CNTN5: variants seen among roughly 807,000 people sequenced by gnomAD.
The protein encoded by CNTN5 is contactin-5.
In CNTN5, 77 loss-of-function variants were observed where a neutral mutation model predicts 129.1. The ratio of observed to expected loss-of-function variants is 0.60; its 90% CI spans 0.50 to 0.72. The LOEUF is 0.72. Among genes scored for constraint, CNTN5 ranks in the 30% least tolerant of loss-of-function variants. The probability of loss-of-function intolerance (pLI) is 0.00; values close to 1 mark genes in which losing one functional copy is unlikely to be tolerated. For synonymous variants in CNTN5, 509 were observed against 465.6 expected (o/e 1.09, Z -1.20); for missense variants, 1,478 against 1,328.8 (o/e 1.11, Z -1.75).
chr11:99,192,710 A>T (rs1591338166), intron 1 of CNTN5, among the ~76,000 whole-genome samples: 1 of 152,108 alleles, frequency 6.6e-6, no homozygotes, highest in Non-Finnish European at 1.5e-5. Context: ...AAACATGCTT[A>T]TTTAAATCTA....
chr11:99,651,965 A>G (rs576795877), intron 3 of CNTN5, among the ~76,000 whole-genome samples: 15 of 152,194 alleles, frequency 9.9e-5, no homozygotes, highest in African/African-American at 3.6e-4. Flanking sequence ...ACTGCTGCAT[A>G]ACACGTTGCC....
intron 2 of CNTN5, among the ~76,000 whole-genome samples, chr11:99,369,714 C>T (rs1186793622): frequency 2.0e-5 from 3 of 151,956 alleles, no homozygotes; most frequent in Admixed American, 1.3e-4. Context: ...TATTATTTTT[C>T]CATTATCCAA....
chr11:99,392,531 C>G (rs554760092), intron 2 of CNTN5, among the ~76,000 whole-genome samples: 5 of 152,010 alleles, frequency 3.3e-5, no homozygotes, highest in African/African-American at 1.2e-4. Context: ...ACTTTCACTA[C>G]CATCTGCATT....
chr11:100,004,691 C>T lies in CNTN5; in HGVS notation c.980+2555C>T, dbSNP rs77889696. On this transcript the variant is annotated intron_variant, in intron 9 of 24. Coordinates refer to ENST00000524871, the MANE Select transcript of CNTN5 (RefSeq NM_014361.4). ...CAAGACATGTATAAACTCCTGATAG[C>T]AATGACTCATTGTCATGTGTAATCC... is the stretch of plus-strand genomic sequence containing the variant. Among the ~76,000 whole-genome samples the T allele has an allele frequency of 1.1e-3, 172 of 152,196 alleles. 4 individuals are homozygous for T. In the East Asian group the frequency reaches 0.031, roughly 28 times the overall value.
At chr11:99,520,362 C>T (rs1400927182) in intron 2 of CNTN5, among the ~76,000 whole-genome samples, 14 of 151,966 alleles carry the variant, frequency 9.2e-5, no homozygotes. Flanking sequence ...TCTTTGTACT[C>T]CCCCAATCCT....
rs754827602 is a variant in CNTN5, at chr11:100,271,148, T to C, written c.2221T>C (p.Trp741Arg). The C allele has an allele frequency of 6.2e-7, 1 of 1,613,200 alleles. No individual in the cohort carries two copies. The highest frequency in any genetic ancestry group is 1.7e-5 in the Admixed American group (1 of 59,780). The change falls in exon 18 of 25, where the codon TGG (tryptophan) becomes CGG (arginine). Residue 741 changes from tryptophan (W) to arginine (R), a missense_variant. Transcript: ENST00000524871. ...ESAMAVDLNP[W>R]VEYEFRVVAT... Reference sequence around the variant, plus strand: ...AGCCATGGCTGTGGACCTAAATCCCTGGGTGGAATATGAATTTCGAGTGGT... The same window carrying C: ...AGCCATGGCTGTGGACCTAAATCCCCGGGTGGAATATGAATTTCGAGTGGT...
At chr11:100,058,918 C>CCCAA (rs1943352040) in intron 9 of CNTN5, among the ~76,000 whole-genome samples, 1 of 152,066 alleles carries the variant, frequency 6.6e-6, no homozygotes, top group African/African-American at 2.4e-5. Context: ...GGACAGGTCT[C>CCCAA]AGAGGATGAG....
intron 1 of CNTN5, among the ~76,000 whole-genome samples, chr11:99,290,581 T>C (rs1864129025): frequency 6.6e-6 from 1 of 151,860 alleles, no homozygotes; most frequent in African/African-American, 2.4e-5. Context: ...TTGTTAGAGC[T>C]GAAGATCAGG....
chr11:99,057,031 A>T (rs1310294297), intron 1 of CNTN5, among the ~76,000 whole-genome samples: 1 of 152,052 alleles, frequency 6.6e-6, no homozygotes, highest in East Asian at 1.9e-4. Flanking sequence ...CTGTAGGCCA[A>T]ATTCCAGCTT....
In CNTN5 at chr11:99,819,486, GA is replaced by G; in HGVS notation, c.56-51del. 2.7e-6 allele frequency: 4 copies of G among 1,459,756 alleles called. No homozygotes were observed. In the Admixed American group the frequency reaches 5.5e-5, roughly 20 times the overall value. The allele number at this position is 1,459,756 out of a possible 1,614,324, so 90.4% of individuals were successfully genotyped here. ...GTCTTCAAAGAAACAATCTTCATAA[GA>G]AAAAAATAAACTAGTTTCCTCAAAA... On this transcript the variant is annotated intron_variant, in intron 3 of 24. Transcript: ENST00000524871.
At chr11:100,115,625 C>T (rs1020946528) in intron 13 of CNTN5, among the ~76,000 whole-genome samples, 5 of 151,800 alleles carry the variant, frequency 3.3e-5, no homozygotes, top group Admixed American at 3.3e-4. Context: ...CCAGAAGTGC[C>T]CCAAACCTGT....
chr11:100,149,374 CTG>C (rs1946969018), intron 13 of CNTN5, among the ~76,000 whole-genome samples: 1 of 152,080 alleles, frequency 6.6e-6, no homozygotes, highest in Non-Finnish European at 1.5e-5. Flanking sequence ...GAATCAATAT[CTG>C]TCTTCAAAAC....
intron 9 of CNTN5, among the ~76,000 whole-genome samples, chr11:100,030,450 C>G (rs1201598691): frequency 1.3e-5 from 2 of 152,112 alleles, no homozygotes; most frequent in South Asian, 4.1e-4. Context: ...AGCCATGTCC[C>G]CTAATTAGAA....
At chr11:99,282,931 G>A (rs548943119) in intron 1 of CNTN5, among the ~76,000 whole-genome samples, 1 of 152,066 alleles carries the variant, frequency 6.6e-6, no homozygotes, top group East Asian at 1.9e-4. Context: ...CCAATCAAAT[G>A]GAAGAAAGGC....
chr11:99,102,127 C>A (rs1300767754), intron 1 of CNTN5, among the ~76,000 whole-genome samples: 1 of 152,164 alleles, frequency 6.6e-6, no homozygotes, highest in African/African-American at 2.4e-5. Context: ...TGAGCTGTAT[C>A]TTGGCCCCTT....
intron 2 of CNTN5, among the ~76,000 whole-genome samples, chr11:99,378,720 A>G (rs567340891): frequency 3.3e-5 from 5 of 152,200 alleles, no homozygotes; most frequent in African/African-American, 1.2e-4. Context: ...CTATATGCAT[A>G]TGTAGAAAAT....
intron 6 of CNTN5, among the ~76,000 whole-genome samples, chr11:99,894,381 A>T (rs1374744208): frequency 1.3e-5 from 2 of 151,906 alleles, no homozygotes; most frequent in Admixed American, 1.3e-4. Flanking sequence ...GATAACCAAA[A>T]CCTAAATAAA....
chr11:99,661,173 A>G (rs990020669), intron 3 of CNTN5, among the ~76,000 whole-genome samples: 3 of 152,180 alleles, frequency 2.0e-5, no homozygotes, highest in African/African-American at 7.2e-5. Context: ...CAGAAAGGTC[A>G]AGCACACAAA....
intron 21 of CNTN5, among the ~76,000 whole-genome samples, chr11:100,324,011 T>C (rs1591514703): frequency 6.6e-6 from 1 of 152,168 alleles, no homozygotes; most frequent in South Asian, 2.1e-4. Flanking sequence ...AGATCAAAAC[T>C]TTTGTTCTTT....
Sources: gnomAD v4.1 joint callset for allele counts (sites outside exome capture counted in the v4.1 genomes callset) on GRCh38, gnomAD v4.1.1 for gene constraint, MANE v1.5 for transcripts, NCBI Gene and HGNC (gene_info 2026-07-23, HGNC 2026-07-21) for gene names.